The following ITGA1 variants were observed in gnomAD, a reference collection of about 807,000 sequenced individuals.
The protein encoded by ITGA1 is integrin subunit alpha 1, also known as integrin alpha-1.
A neutral mutation model predicts 145.9 loss-of-function variants in ITGA1; 85 were observed. That is an observed-to-expected ratio of 0.58 (90% CI 0.49 to 0.70). The LOEUF (loss-of-function observed/expected upper bound fraction) is 0.70, where lower values mean the gene tolerates loss of function less well. Among genes scored for constraint, ITGA1 ranks in the 30% least tolerant of loss-of-function variants. The pLI is 0.00. For synonymous variants in ITGA1, 520 were observed against 495.3 expected (o/e 1.05, Z -0.66); for missense variants, 1,351 against 1,418.7 (o/e 0.95, Z 0.77).
At chr5:52,928,236 A>G (rs762153686) in intron 20 of ITGA1, among the ~76,000 whole-genome samples, 1 of 152,202 alleles carries the variant, frequency 6.6e-6, no homozygotes, top group Non-Finnish European at 1.5e-5. Context: ...TTTATACTAC[A>G]TAACATATCT....
chr5:52,866,000 T>TTTTTTTCTTTTTTC (rs59543015), intron 6 of ITGA1, among the ~76,000 whole-genome samples, 183 bp downstream of exon 6: 2 of 150,352 alleles, frequency 1.3e-5, no homozygotes, highest in Non-Finnish European at 3.0e-5. Context: ...TTATTTTCTA[T>TTTTTTTCTTTTTTC]TTTTTTCTTT....
At chr5:52,894,540 A>C (rs1750198086) in intron 9 of ITGA1, among the ~76,000 whole-genome samples, 1 of 152,132 alleles carries the variant, frequency 6.6e-6, no homozygotes, top group Non-Finnish European at 1.5e-5. Context: ...AAGTCTTCAG[A>C]ATTGTTATGC....
intron 1 of ITGA1, among the ~76,000 whole-genome samples, chr5:52,820,377 T>C (rs1379325629): frequency 3.2e-5 from 1 of 30,892 alleles, no homozygotes; most frequent in Non-Finnish European, 5.6e-5. Flanking sequence ...CTGTTGTGGG[T>C]GGGGGGAGGG....
chr5:52,871,341 T>C (rs1749772683), intron 6 of ITGA1, among the ~76,000 whole-genome samples: 1 of 152,194 alleles, frequency 6.6e-6, no homozygotes, highest in South Asian at 2.1e-4. Flanking sequence ...TCATAAGATA[T>C]TTATCTTTCC....
At chr5:52,939,984 T>C in intron 26 of ITGA1, 40 bp downstream of exon 26, 3 of 1,061,056 alleles carry the variant, frequency 2.8e-6, no homozygotes, top group Non-Finnish European at 4.4e-6. Context: ...TTGAATAATA[T>C]CAATAAATAT....
intron 1 of ITGA1, among the ~76,000 whole-genome samples, chr5:52,839,863 G>A (rs1016207916): frequency 2.0e-5 from 3 of 151,744 alleles, no homozygotes; most frequent in East Asian, 3.9e-4. Context: ...AGCAATGAAA[G>A]TAAGTGAAGT....
intron 1 of ITGA1, among the ~76,000 whole-genome samples, chr5:52,820,584 G>A (rs1748863113): frequency 6.6e-6 from 1 of 151,860 alleles, no homozygotes; most frequent in Non-Finnish European, 1.5e-5. Flanking sequence ...CGGAGGTGGA[G>A]GTAATACATT....
chr5:52,816,732 A>G (rs1368307794), intron 1 of ITGA1, among the ~76,000 whole-genome samples: 1 of 152,166 alleles, frequency 6.6e-6, no homozygotes, highest in Non-Finnish European at 1.5e-5. Flanking sequence ...TCCTCCCAGA[A>G]TTCCTGAGGT....
chr5:52,850,358 G>C (rs1476659375), intron 2 of ITGA1, among the ~76,000 whole-genome samples: 2 of 152,210 alleles, frequency 1.3e-5, no homozygotes, highest in African/African-American at 4.8e-5. Context: ...CTGAATATTA[G>C]AGTTCTTTTG....
In ITGA1 at chr5:52,881,904, C is replaced by A; in HGVS notation, c.656C>A (p.Thr219Asn). Residue 219 changes from threonine (T) to asparagine (N), a missense_variant, in exon 7 of 29, where the codon ACC (threonine) becomes AAC (asparagine). Coordinates refer to ENST00000282588, the MANE Select transcript of ITGA1 (RefSeq NM_181501.2). ...VGIVQYGENV[T>N]HEFNLNKYSS... Reference sequence around the variant, plus strand: ...ATTGTACAGTATGGAGAAAACGTGACCCATGAGTTCAACCTCAATAAGTAT... The same window carrying A: ...ATTGTACAGTATGGAGAAAACGTGAACCATGAGTTCAACCTCAATAAGTAT... 6.2e-7 allele frequency: 1 copy of A among 1,613,698 alleles called. No individual in the cohort carries two copies. Among genetic ancestry groups the A allele is most frequent in the Non-Finnish European group, 8.5e-7 (1 of 1,179,780 alleles).
At chr5:52,885,757 G>A (rs1296449896) in intron 7 of ITGA1, among the ~76,000 whole-genome samples, 1 of 152,156 alleles carries the variant, frequency 6.6e-6, no homozygotes, top group Non-Finnish European at 1.5e-5. Context: ...CTATAGCTAG[G>A]CATTTACCTT....
rs373307316 is a variant in ITGA1, at chr5:52,893,750, C to A, written c.1000C>A (p.Pro334Thr). The change falls in exon 9 of 29, where the codon CCC (proline) becomes ACC (threonine). Residue 334 changes from proline (P) to threonine (T), a missense_variant. Coordinates refer to ENST00000282588, the MANE Select transcript of ITGA1 (RefSeq NM_181501.2). ...VEEIKSIASE[P>T]TEKHFFNVSD... ...GGAAATAAAATCAATTGCAAGTGAACCCACTGAAAAGCATTTCTTCAATGT... is the reference window on the plus strand; with the variant it reads ...GGAAATAAAATCAATTGCAAGTGAAACCACTGAAAAGCATTTCTTCAATGT... The A allele has an allele frequency of 7.4e-6, 12 of 1,612,638 alleles. No homozygotes were observed. The East Asian group carries it at 2.7e-4, about 36-fold the overall frequency.
intron 9 of ITGA1, among the ~76,000 whole-genome samples, chr5:52,896,145 C>G (rs1750220255): frequency 6.6e-6 from 1 of 152,152 alleles, no homozygotes. Flanking sequence ...CACCCATGAA[C>G]AGTCCAGGGA....
At chr5:52,944,826 C>G in intron 26 of ITGA1, 117 bp from the exon 27 acceptor site, 1 of 681,336 alleles carries the variant, frequency 1.5e-6, no homozygotes, top group Non-Finnish European at 2.5e-6. Flanking sequence ...GTTAACAAAA[C>G]TGGAATTTTT....
intron 2 of ITGA1, 107 bp from the exon 3 acceptor site, chr5:52,861,340 T>A: frequency 1.5e-6 from 1 of 680,214 alleles, no homozygotes; most frequent in Non-Finnish European, 2.6e-6. Context: ...ATGATTATTA[T>A]CTGATTATGA....
rs547681837 is a variant in ITGA1 at position 52,872,004 on chromosome 5, A to C, written c.624+6187A>C. ...TAAATGAAGATAATATAAATATGTC[A>C]AATAAGTGTGCATTACCCTAAATAA... On this transcript the variant is annotated intron_variant, in intron 6 of 28. Transcript: ENST00000282588. Among the ~76,000 whole-genome samples, 93 of 152,316 alleles carry C rather than the reference A, an allele frequency of 6.1e-4. 1 individual carries two copies. Among genetic ancestry groups the C allele is most frequent in the Admixed American group, 1.2e-3 (19 of 15,298 alleles).
At position 52,908,893 on chromosome 5, in the gene ITGA1, C is replaced by G. The variant is rs756141674; in HGVS notation, c.1456-5C>G. On this transcript the variant is annotated splice_region_variant and splice_polypyrimidine_tract_variant and intron_variant, in intron 12 of 28. Transcript: ENST00000282588. ...TGGGCTGTTTTGTTTCATTTTGTGT[C>G]CTAGATTGGTTCCTACTTTGGCAGT... 6.2e-7 allele frequency: 1 copy of G among 1,613,236 alleles called. No homozygotes were observed. The highest frequency in any genetic ancestry group is 8.5e-7 in the Non-Finnish European group (1 of 1,179,520).
At chr5:52,799,131 C>G (rs369323575) in intron 1 of ITGA1, among the ~76,000 whole-genome samples, 9 of 152,176 alleles carry the variant, frequency 5.9e-5, no homozygotes, top group African/African-American at 2.2e-4. Flanking sequence ...GTGTGCAGGA[C>G]TTCTCTGCCC....
Position 52,887,858 on chromosome 5 carries a change from A to T in ITGA1, c.817A>T (p.Lys273Ter), listed in dbSNP as rs747427715. Residue 273 changes from lysine to a stop codon, truncating the protein, a stop_gained, in exon 8 of 29, where the codon AAA (lysine) becomes TAA (stop). Coordinates refer to ENST00000282588, the MANE Select transcript of ITGA1 (RefSeq NM_181501.2). LOFTEE classifies it high-confidence loss of function. ...AGCCCGGGGTGCCCGAAGAGGAGTT[A>T]AAAAAGTCATGGTTATTGTGACAGA... ...TEARGARRGV[K>*]KVMVIVTDGE... 3 of 1,613,936 alleles carry T rather than the reference A, an allele frequency of 1.9e-6. No individual in the cohort carries two copies. The highest frequency in any genetic ancestry group is 1.1e-5 in the South Asian group (1 of 91,040).
Sources: allele counts gnomAD v4.1 joint callset (sites outside exome capture counted in the v4.1 genomes callset), GRCh38; gene constraint gnomAD v4.1.1; transcripts MANE v1.5; gene names NCBI Gene and HGNC (gene_info 2026-07-23, HGNC 2026-07-21).